Variants in C1orf94 observed in about 807,000 individuals in gnomAD.
C1orf94 encodes chromosome 1 open reading frame 94.
Under a neutral mutation model 53.6 loss-of-function variants are expected in C1orf94, and 45 were observed. The ratio of observed to expected loss-of-function variants is 0.84; its 90% confidence interval spans 0.66 to 1.08. The LOEUF (loss-of-function observed/expected upper bound fraction) is 1.08. Among genes scored for constraint, C1orf94 ranks in the 50% least tolerant of loss-of-function variants. The probability of loss-of-function intolerance (pLI) is 0.00; values close to 1 mark genes in which losing one functional copy is unlikely to be tolerated. For missense variants in C1orf94, 762 were observed against 738.9 expected, an observed-to-expected ratio of 1.03 and a Z score of -0.36; for synonymous variants, 304 against 296.1, an observed-to-expected ratio of 1.03 and a Z score of -0.27.
chr1:34,196,578 T>A (rs553053980), intron 1 of C1orf94, among the ~76,000 whole-genome samples: 1 of 152,266 alleles, frequency 6.6e-6, no homozygotes, highest in East Asian at 1.9e-4. Flanking sequence ...TGAATCGCCC[T>A]TACTCTATGC....
upstream of C1orf94, among the ~76,000 whole-genome samples, chr1:34,172,404 A>T (rs570118048): frequency 9.8e-5 from 15 of 152,348 alleles, 1 homozygote; most frequent in African/African-American, 3.4e-4. Flanking sequence ...AGTTTACCAT[A>T]AGCCAGGCAC....
intron 1 of C1orf94, among the ~76,000 whole-genome samples, chr1:34,170,300 G>C (rs1047174601): frequency 5.3e-5 from 8 of 152,186 alleles, no homozygotes; most frequent in Admixed American, 6.5e-5. Context: ...TCCTCAGGGG[G>C]TTGAGAGTTT....
rs1642850443 is a variant in C1orf94 at position 34,209,206 on chromosome 1, A to G, written c.1524+972A>G. Among the ~76,000 whole-genome samples, 6 of 151,960 alleles carry G rather than the reference A, an allele frequency of 3.9e-5. No homozygotes were observed. The South Asian group carries it at 1.2e-3, about 32-fold the overall frequency. On this transcript the variant is annotated intron_variant, in intron 5 of 6. Coordinates refer to ENST00000488417, the MANE Select transcript of C1orf94 (RefSeq NM_001134734.2). Reference sequence around the variant, plus strand: ...TGACCTTTGGCAGGCTGGTACTCCAATGACCATGCTTTACTACATCTTGTA... The same window carrying G: ...TGACCTTTGGCAGGCTGGTACTCCAGTGACCATGCTTTACTACATCTTGTA...
chr1:34,216,556 C>T (rs1474281497), intron 6 of C1orf94, among the ~76,000 whole-genome samples: 1 of 151,876 alleles, frequency 6.6e-6, no homozygotes, highest in African/African-American at 2.4e-5. Context: ...TGGGCCTAAG[C>T]AGAGAGTTCA....
intron 4 of C1orf94, among the ~76,000 whole-genome samples, chr1:34,203,256 G>T (rs1642742148): frequency 2.6e-5 from 4 of 152,140 alleles, no homozygotes; most frequent in African/African-American, 9.7e-5. Flanking sequence ...TCCTACCTCA[G>T]CCTCCCAAGT....
In C1orf94 at chr1:34,200,795, C is replaced by T; in HGVS notation, c.1033C>T (p.Pro345Ser). ...LMEWSPGTKEPKKGQGSLFLS... is the reference protein window; with the variant it reads ...LMEWSPGTKESKKGQGSLFLS... ...AGAATGGAGCCCTGGCACCAAGGAG[C>T]CAAAAAAGGGTCAAGGGAGCCTCTT... The change falls in exon 3 of 7, where the codon CCA (proline) becomes TCA (serine). Residue 345 changes from proline (P) to serine (S), a missense_variant. By Grantham distance (74) the Pro-to-Ser change is moderately conservative. Transcript: ENST00000488417. 1 of 1,613,896 alleles carries T rather than the reference C, an allele frequency of 6.2e-7. No homozygotes were observed. Among genetic ancestry groups the T allele is most frequent in the Non-Finnish European group, 8.5e-7 (1 of 1,179,922 alleles).
Position 34,208,139 on chromosome 1 carries a change from G to C in C1orf94, c.1447-18G>C. 1.2e-6 allele frequency: 2 copies of C among 1,613,612 alleles called. No homozygotes were observed. The highest frequency in any genetic ancestry group is 1.7e-6 in the Non-Finnish European group (2 of 1,179,702). On this transcript the variant is annotated intron_variant, in intron 4 of 6. Transcript: ENST00000488417. ...GAAACCCCTTGCCTGGCCATACTGA[G>C]CCTCTGTTTCTCCCCAGGGCCTGTA...
rs1355180350 is a variant in C1orf94 at position 34,212,261 on chromosome 1, T to C, written c.1576T>C (p.Tyr526His). ...QMGQQIFRSSYTPLLSYIPFV... is the reference protein window; with the variant it reads ...QMGQQIFRSSHTPLLSYIPFV... ...GGGACAGCAGATCTTCCGCTCTTCC[T>C]ACACCCCTCTGCTGAGCTACATCCC... Residue 526 changes from tyrosine (Y) to histidine (H), a missense_variant, in exon 6 of 7, where the codon TAC becomes CAC. Physicochemically the swap from Tyr to His is moderately conservative, Grantham distance 83. Coordinates refer to ENST00000488417, the MANE Select transcript of C1orf94 (RefSeq NM_001134734.2). 1.9e-6 allele frequency: 3 copies of C among 1,613,892 alleles called. No homozygotes were observed. The African/African-American group carries it at 4.0e-5, about 22-fold the overall frequency.
intron 1 of C1orf94, among the ~76,000 whole-genome samples, chr1:34,192,297 T>C (rs1219219415): frequency 6.6e-6 from 1 of 152,182 alleles, no homozygotes; most frequent in Non-Finnish European, 1.5e-5. Flanking sequence ...GGGTTCTGTG[T>C]GGGGTCTGCC....
intron 1 of C1orf94, among the ~76,000 whole-genome samples, chr1:34,169,280 G>A (rs564539583): frequency 3.6e-4 from 55 of 152,288 alleles, no homozygotes; most frequent in African/African-American, 1.2e-3. Context: ...CAGCCTACCC[G>A]CATCTAGCCT....
At position 34,200,279 on chromosome 1, in the gene C1orf94, A is replaced by G. The variant is rs533393948; in HGVS notation, c.1010-493A>G. The stretch of plus-strand genomic sequence containing the variant: ...ACTGAAGGCAGGAACTGTGTCCACA[A>G]CATCCTTGTTTTCGCAGCCTGGCAC... On this transcript the variant is annotated intron_variant, in intron 2 of 6. Transcript: ENST00000488417. 3.3e-4 allele frequency among the ~76,000 whole-genome samples: 51 copies of G among 152,350 alleles called. No individual in the cohort carries two copies. The Middle Eastern group carries it at 0.01, about 30-fold the overall frequency.
chr1:34,199,785 C>T (rs539310437), intron 2 of C1orf94, among the ~76,000 whole-genome samples: 2 of 152,310 alleles, frequency 1.3e-5, no homozygotes, highest in East Asian at 1.9e-4. Context: ...CTTGTCCCTG[C>T]TCCACACTCT....
At chr1:34,205,429 A>AGTAGACTTGACTTTAAAG (rs1215459851) in intron 4 of C1orf94, among the ~76,000 whole-genome samples, 2 of 152,236 alleles carry the variant, frequency 1.3e-5, no homozygotes, top group African/African-American at 4.8e-5. Flanking sequence ...TTTTGAAACC[A>AGTAGACTTGACTTTAAAG]GTAGACTTGA....
chr1:34,191,405 CT>C (rs1642476939), intron 1 of C1orf94, among the ~76,000 whole-genome samples: 3 of 152,170 alleles, frequency 2.0e-5, no homozygotes, highest in African/African-American at 7.2e-5. Flanking sequence ...GGACAGCCCT[CT>C]CCCTGACCTC....
chr1:34,213,760 C>T (rs1187657303), intron 6 of C1orf94, among the ~76,000 whole-genome samples: 1 of 152,132 alleles, frequency 6.6e-6, no homozygotes, highest in African/African-American at 2.4e-5. Context: ...AGGCTGGTCT[C>T]AAACTCCTGA....
chr1:34,200,973 A>T lies in C1orf94; in HGVS notation c.1211A>T (p.Asn404Ile), dbSNP rs1278047095. ...TATGAGTTCCTTGGGGCCACCAAGAACCCAAGCGGGCAGCCGAGACTTCGA... is the reference window on the plus strand; with the variant it reads ...TATGAGTTCCTTGGGGCCACCAAGATCCCAAGCGGGCAGCCGAGACTTCGA... ...LLYEFLGATK[N>I]PSGQPRLRNK... The change falls in exon 3 of 7, where the codon AAC (asparagine) becomes ATC (isoleucine). Residue 404 changes from asparagine (N) to isoleucine (I), a missense_variant. Physicochemically the swap from Asn to Ile is moderately radical, Grantham distance 149. Coordinates refer to ENST00000488417, the MANE Select transcript of C1orf94 (RefSeq NM_001134734.2). 2 of 1,613,468 alleles carry T rather than the reference A, an allele frequency of 1.2e-6. No individual in the cohort carries two copies. Among genetic ancestry groups the T allele is most frequent in the South Asian group, 1.1e-5 (1 of 91,002 alleles).
chr1:34,193,052 T>A (rs544914049), intron 1 of C1orf94, among the ~76,000 whole-genome samples: 8 of 152,238 alleles, frequency 5.3e-5, no homozygotes, highest in Non-Finnish European at 1.0e-4. Flanking sequence ...TTTTCTAGAA[T>A]AAATAAGAAC....
In C1orf94 at chr1:34,208,176, C is replaced by G; in HGVS notation, c.1466C>G (p.Ala489Gly). 6.2e-7 allele frequency: 1 copy of G among 1,614,138 alleles called. No homozygotes were observed. The highest frequency in any genetic ancestry group is 8.5e-7 in the Non-Finnish European group (1 of 1,180,014). The change falls in exon 5 of 7, where the codon GCA (alanine) becomes GGA (glycine). Residue 489 changes from alanine to glycine, a missense_variant. By Grantham distance (60) the Ala-to-Gly change is moderately conservative (BLOSUM62 0). Coordinates refer to ENST00000488417, the MANE Select transcript of C1orf94 (RefSeq NM_001134734.2). The stretch of plus-strand genomic sequence containing the variant: ...CCCCAGGGCCTGTACCCACAGCAGG[C>G]AGCGAGGATGCCCTATCAGCAGGCT... ...LQYQGLYPQQ[A>G]ARMPYQQALH... is the part of the protein sequence containing the mutation.
intron 1 of C1orf94, among the ~76,000 whole-genome samples, chr1:34,169,614 AGAGAGAGAGAGAGAGAGAGAGT>A (rs1281736560): frequency 3.0e-4 from 31 of 102,860 alleles, no homozygotes; most frequent in East Asian, 1.1e-3. Flanking sequence ...AGAGAGAGAG[AGAGAGAGAGAGAGAGAGAGAGT>A]GAGCAAATGG....
Sources: gnomAD v4.1 joint callset for allele counts (sites outside exome capture counted in the v4.1 genomes callset) on GRCh38, gnomAD v4.1.1 for gene constraint, MANE v1.5 for transcripts, NCBI Gene and HGNC (gene_info 2026-07-23, HGNC 2026-07-21) for gene names.